The following GABRB1 variants were observed in gnomAD, a reference collection of about 807,000 sequenced individuals.
GABRB1 encodes the protein gamma-aminobutyric acid receptor subunit beta-1.
GABRB1 carries 17 observed loss-of-function variants against 51.6 expected under a neutral mutation model. The ratio of observed to expected loss-of-function variants is 0.33; its 90% CI spans 0.23 to 0.49. The LOEUF is 0.49. GABRB1 is among the 20% of genes least tolerant of loss of function. The probability of loss-of-function intolerance (pLI) is 0.99; values close to 1 mark genes in which losing one functional copy is unlikely to be tolerated. For missense variants in GABRB1, 410 were observed against 600.6 expected, an observed-to-expected ratio of 0.68 and a Z score of 3.32; for synonymous variants, 247 against 218.9, an observed-to-expected ratio of 1.13 and a Z score of -1.14.
At chr4:47,328,131 A>G (rs954557473) in intron 5 of GABRB1, among the ~76,000 whole-genome samples, 1 of 152,154 alleles carries the variant, frequency 6.6e-6, no homozygotes. Flanking sequence ...GTCTGTTCAT[A>G]TCCTTTGCCC....
At chr4:47,211,682 T>G (rs1720365670) in intron 4 of GABRB1, among the ~76,000 whole-genome samples, 1 of 152,208 alleles carries the variant, frequency 6.6e-6, no homozygotes, top group African/African-American at 2.4e-5. Context: ...CAAACAGCTC[T>G]GGAAGTCAGA....
chr4:47,253,313 G>A (rs1035460123), intron 4 of GABRB1, among the ~76,000 whole-genome samples: 2 of 152,196 alleles, frequency 1.3e-5, no homozygotes, highest in African/African-American at 4.8e-5. Flanking sequence ...GTGTGAGTCC[G>A]TGAGCTCTAA....
intron 4 of GABRB1, among the ~76,000 whole-genome samples, chr4:47,304,047 T>G (rs776508440): frequency 6.6e-6 from 1 of 152,082 alleles, no homozygotes; most frequent in Non-Finnish European, 1.5e-5. Context: ...CATGCTTTCT[T>G]TATCCATTCA....
chr4:47,343,321 G>A (rs765344693), intron 5 of GABRB1, among the ~76,000 whole-genome samples: 7 of 152,134 alleles, frequency 4.6e-5, no homozygotes, highest in Admixed American at 4.6e-4. Flanking sequence ...GGAGGTACAG[G>A]TAGGAGACAA....
chr4:47,392,090 A>G (rs981168007), intron 5 of GABRB1, among the ~76,000 whole-genome samples: 1 of 126,824 alleles, frequency 7.9e-6, no homozygotes, highest in East Asian at 2.0e-4. Flanking sequence ...TGGAAGGGCT[A>G]AAAAAAAAAA....
Position 47,138,520 on chromosome 4 carries a change from G to A in GABRB1, c.241-22729G>A, listed in dbSNP as rs80171522. ...AATTTTTTATTAGCCTGGCCAGAGT[G>A]ACTATTTGAGACATAAACATGTCAT... On this transcript the variant is annotated intron_variant, in intron 3 of 8. Coordinates refer to ENST00000295454, the MANE Select transcript of GABRB1 (RefSeq NM_000812.4). Among the ~76,000 whole-genome samples, 876 of 152,136 alleles carry A rather than the reference G, an allele frequency of 5.8e-3. 7 individuals carry two copies. Among genetic ancestry groups the A allele is most frequent in the African/African-American group, 0.02 (842 of 41,528 alleles).
intron 3 of GABRB1, among the ~76,000 whole-genome samples, chr4:47,153,743 T>C (rs910725013): frequency 4.6e-5 from 7 of 152,044 alleles, no homozygotes; most frequent in Non-Finnish European, 8.8e-5. Context: ...TGTTCAGTCA[T>C]TGGGTTGATT....
chr4:47,197,971 C>T (rs116229101), intron 4 of GABRB1, among the ~76,000 whole-genome samples: 6,525 of 152,230 alleles, frequency 0.043, 197 homozygotes, highest in Non-Finnish European at 0.066. Context: ...CAGCACATCT[C>T]AAGTCTCCCT....
At chr4:47,090,192 T>C (rs1437807872) in intron 3 of GABRB1, among the ~76,000 whole-genome samples, 1 of 152,258 alleles carries the variant, frequency 6.6e-6, no homozygotes, top group East Asian at 1.9e-4. Flanking sequence ...TGTTTACTTT[T>C]ATATCCTGTT....
chr4:47,077,871 AT>A (rs1264809514), intron 3 of GABRB1, among the ~76,000 whole-genome samples: 1 of 140,054 alleles, frequency 7.1e-6, no homozygotes, highest in African/African-American at 2.6e-5. Flanking sequence ...TTTTATATAT[AT>A]TATATGTATT....
At chr4:47,242,332 T>G (rs1721556030) in intron 4 of GABRB1, among the ~76,000 whole-genome samples, 1 of 152,256 alleles carries the variant, frequency 6.6e-6, no homozygotes, top group Non-Finnish European at 1.5e-5. Context: ...TTGTGTATAG[T>G]GCCGCAATAA....
chr4:47,282,845 A>T (rs954557796), intron 4 of GABRB1, among the ~76,000 whole-genome samples: 1 of 152,218 alleles, frequency 6.6e-6, no homozygotes, highest in African/African-American at 2.4e-5. Flanking sequence ...AGGAAGGTTC[A>T]GAGATGTTCA....
rs56335154 is a variant in GABRB1 at position 47,404,489 on chromosome 4, G to GCACACACACA, written c.835+809_835+818dup. ...CTGGGGCTAATTCTCACACACGCAT[G>GCACACACACA]CACACACACACACACACACACACAC... On this transcript the variant is annotated intron_variant, in intron 7 of 8. Transcript: ENST00000295454. 1.6e-3 allele frequency among the ~76,000 whole-genome samples: 231 copies of GCACACACACA among 145,650 alleles called. 1 individual carries two copies. The highest frequency in any genetic ancestry group is 0.01 in the Middle Eastern group (3 of 286).
intron 4 of GABRB1, among the ~76,000 whole-genome samples, chr4:47,249,934 A>T (rs1560297659): frequency 6.6e-6 from 1 of 152,150 alleles, no homozygotes; most frequent in South Asian, 2.1e-4. Flanking sequence ...ATTCAATGTT[A>T]GTATTGAGAT....
chr4:47,233,563 T>C (rs1721222316), intron 4 of GABRB1, among the ~76,000 whole-genome samples: 1 of 152,196 alleles, frequency 6.6e-6, no homozygotes, highest in African/African-American at 2.4e-5. Context: ...TTTGTTATTA[T>C]TTGAAGAATG....
rs143921326 is a variant in GABRB1, at chr4:47,034,800, C to T, written c.240+2316C>T. 2.5e-3 allele frequency among the ~76,000 whole-genome samples: 386 copies of T among 152,054 alleles called. 1 individual carries two copies. The highest frequency in any genetic ancestry group is 8.5e-3 in the African/African-American group (354 of 41,484). On this transcript the variant is annotated intron_variant, in intron 3 of 8. Coordinates refer to ENST00000295454, the MANE Select transcript of GABRB1 (RefSeq NM_000812.4). Reference sequence around the variant, plus strand: ...ATAAACACAACTCAGATGGTTAGCCCGCACCCCCAAAAGAGAATTGTTTAT... The same window carrying T: ...ATAAACACAACTCAGATGGTTAGCCTGCACCCCCAAAAGAGAATTGTTTAT...
At chr4:47,397,541 G>A (rs911248724) in intron 5 of GABRB1, among the ~76,000 whole-genome samples, 2 of 151,820 alleles carry the variant, frequency 1.3e-5, no homozygotes, top group Non-Finnish European at 1.5e-5. Flanking sequence ...TTACTACCTG[G>A]TAGGGCTAGT....
At chr4:47,189,249 A>C (rs934677473) in intron 4 of GABRB1, among the ~76,000 whole-genome samples, 2 of 151,892 alleles carry the variant, frequency 1.3e-5, no homozygotes, top group Non-Finnish European at 2.9e-5. Context: ...GTGAATGGAG[A>C]GTACCATGCA....
chr4:47,285,197 G>C (rs1195600649), intron 4 of GABRB1, among the ~76,000 whole-genome samples: 1 of 152,198 alleles, frequency 6.6e-6, no homozygotes, highest in African/African-American at 2.4e-5. Context: ...TGACTGGTGT[G>C]TTGTGCTCAC....
Sources: allele counts gnomAD v4.1 joint callset (sites outside exome capture counted in the v4.1 genomes callset), GRCh38; gene constraint gnomAD v4.1.1; transcripts MANE v1.5; gene names NCBI Gene and HGNC (gene_info 2026-07-23, HGNC 2026-07-21).